Variants in IFT74 observed in about 807,000 individuals in gnomAD.
IFT74 encodes the protein intraflagellar transport protein 74 homolog.
Under a neutral mutation model 96.7 loss-of-function variants are expected in IFT74, and 92 were observed. The observed-to-expected ratio is 0.95, with a 90% CI of 0.80 to 1.13. IFT74 has a LOEUF of 1.13. IFT74 is among the 50% of genes most tolerant of loss of function. The pLI is 0.00. For synonymous variants in IFT74, 223 were observed against 213.2 expected, an observed-to-expected ratio of 1.05 and a Z score of -0.40; for missense variants, 811 against 698.2, an observed-to-expected ratio of 1.16 and a Z score of -1.82.
intron 1 of IFT74, among the ~76,000 whole-genome samples, chr9:26,958,973 T>C (rs1017758857): frequency 2.0e-5 from 3 of 152,104 alleles, no homozygotes; most frequent in African/African-American, 7.2e-5. Context: ...ACCAGTAAAG[T>C]AGGATGACAT....
In IFT74 at chr9:26,962,172, C is replaced by A. The variant is rs3739544; in HGVS notation, c.120+85C>A. 115,852 of 1,338,808 alleles carry A rather than the reference C, an allele frequency of 0.087. 14,529 individuals carry two copies. The highest frequency in any genetic ancestry group is 0.67 in the East Asian group (28,287 of 42,188). The allele number at this position is 1,338,808 out of a possible 1,614,324, so 82.9% of individuals were successfully genotyped here. On this transcript the variant is annotated intron_variant, in intron 2 of 19. Coordinates refer to ENST00000380062, the MANE Select transcript of IFT74 (RefSeq NM_025103.4). ...CAGGAGACTGGGGCTTCAGTGAACTCTGATCATGCCACTGCACCCCAGTTT... is the reference window on the plus strand; with the variant it reads ...CAGGAGACTGGGGCTTCAGTGAACTATGATCATGCCACTGCACCCCAGTTT...
At chr9:27,024,593 A>G (rs1408433392) in intron 12 of IFT74, among the ~76,000 whole-genome samples, 1 of 152,192 alleles carries the variant, frequency 6.6e-6, no homozygotes, top group Non-Finnish European at 1.5e-5. Flanking sequence ...TTCTGGTAAT[A>G]TGAGAAGACA....
At chr9:27,010,163 A>AT (rs34742697) in intron 9 of IFT74, among the ~76,000 whole-genome samples, 7 of 149,860 alleles carry the variant, frequency 4.7e-5, no homozygotes, top group Non-Finnish European at 1.0e-4. Context: ...GATTTTTTGT[A>AT]TTTTTTTAGT....
In IFT74 at chr9:27,065,975, G is replaced by A. The variant is rs1820592433; in HGVS notation, c.*3239G>A. 6.6e-6 allele frequency among the ~76,000 whole-genome samples: 1 copy of A among 152,170 alleles called. No homozygotes were observed. The highest frequency in any genetic ancestry group is 2.4e-5 in the African/African-American group (1 of 41,442). ...AAAGGCAATTTTTAATACAAAGGTA[G>A]ATAATTTAGGAAGACAGATAAATAA... On this transcript the variant is annotated 3_prime_UTR_variant, in exon 20 of 20. Transcript: ENST00000380062.
chr9:27,014,730 C>G (rs574810620), intron 10 of IFT74, among the ~76,000 whole-genome samples: 1 of 152,200 alleles, frequency 6.6e-6, no homozygotes, highest in African/African-American at 2.4e-5. Flanking sequence ...CTGCCTCAGC[C>G]TCCCGAGTAG....
At position 27,021,810 on chromosome 9, in the gene IFT74, G is replaced by A. The variant is rs547114957; in HGVS notation, c.974+3123G>A. ...TATTAACTCTGCTGATTCTTTTGTG[G>A]TGCAGAAGTTTTTTAGTTTAATTAA... is the stretch of plus-strand genomic sequence containing the variant. On this transcript the variant is annotated intron_variant, in intron 12 of 19. Transcript: ENST00000380062. 2.1e-4 allele frequency among the ~76,000 whole-genome samples: 32 copies of A among 152,204 alleles called. No homozygotes were observed. In the East Asian group the frequency reaches 6.0e-3, roughly 28 times the overall value.
At chr9:26,991,901 G>C (rs889234681) in intron 8 of IFT74, among the ~76,000 whole-genome samples, 1 of 151,830 alleles carries the variant, frequency 6.6e-6, no homozygotes, top group Non-Finnish European at 1.5e-5. Flanking sequence ...TGGTGGCACG[G>C]GCTTGTAGTC....
chr9:26,991,217 A>C (rs967071503), intron 8 of IFT74, among the ~76,000 whole-genome samples: 1 of 152,218 alleles, frequency 6.6e-6, no homozygotes, highest in African/African-American at 2.4e-5. Context: ...TTGATTAAAA[A>C]CAAGAATCTC....
At chr9:26,948,315 A>G (rs997847888) in intron 1 of IFT74, among the ~76,000 whole-genome samples, 1 of 152,030 alleles carries the variant, frequency 6.6e-6, no homozygotes, top group Middle Eastern at 3.2e-3. Flanking sequence ...TCCTACTTAA[A>G]TTATTTCAAC....
intron 8 of IFT74, chr9:26,996,270 G>T: frequency 8.9e-7 from 1 of 1,118,826 alleles, no homozygotes; most frequent in Non-Finnish European, 1.2e-6. Context: ...TATTTAGTAT[G>T]ATACATTCAG....
chr9:27,044,948 G>A (rs559658514), intron 14 of IFT74, among the ~76,000 whole-genome samples, 153 bp downstream of exon 14: 1 of 152,324 alleles, frequency 6.6e-6, no homozygotes, highest in Admixed American at 6.5e-5. Context: ...ATAGTTTCTA[G>A]CATAATTTAG....
intron 6 of IFT74, among the ~76,000 whole-genome samples, chr9:26,984,779 A>G (rs1199237574): frequency 6.6e-6 from 1 of 152,164 alleles, no homozygotes; most frequent in Non-Finnish European, 1.5e-5. Flanking sequence ...ACCAGTTAGA[A>G]TGGCTGTTAC....
intron 13 of IFT74, among the ~76,000 whole-genome samples, chr9:27,040,009 C>T (rs1348170341): frequency 6.6e-6 from 1 of 152,074 alleles, no homozygotes; most frequent in Non-Finnish European, 1.5e-5. Flanking sequence ...AGTGTTCTGG[C>T]TCACTAAAAT....
At chr9:27,006,929 C>T (rs540875138) in intron 8 of IFT74, among the ~76,000 whole-genome samples, 54 of 150,010 alleles carry the variant, frequency 3.6e-4, no homozygotes, top group African/African-American at 1.3e-3. Flanking sequence ...CTCTGCCTCC[C>T]GGGTTGACGC....
chr9:26,977,521 C>T (rs1020561440), intron 2 of IFT74, among the ~76,000 whole-genome samples: 1 of 152,192 alleles, frequency 6.6e-6, no homozygotes, highest in African/African-American at 2.4e-5. Flanking sequence ...CTGAGTCTCA[C>T]TCTATCGCCC....
At chr9:27,005,415 C>T (rs1171246525) in intron 8 of IFT74, among the ~76,000 whole-genome samples, 4 of 120,634 alleles carry the variant, frequency 3.3e-5, no homozygotes, top group South Asian at 5.6e-4. Flanking sequence ...TAGGAAAGAC[C>T]CTTTGGCCAT....
intron 8 of IFT74, among the ~76,000 whole-genome samples, chr9:27,006,862 A>G (rs868612898): frequency 9.7e-4 from 97 of 99,668 alleles, no homozygotes; most frequent in Middle Eastern, 0.012. Flanking sequence ...TTTGAGATGG[A>G]GTCTCGCTCT....
intron 1 of IFT74, among the ~76,000 whole-genome samples, chr9:26,959,652 G>A (rs909349914): frequency 2.6e-5 from 4 of 152,178 alleles, no homozygotes; most frequent in Admixed American, 1.3e-4. Flanking sequence ...AGGAATGGCT[G>A]TTGAGACTGG....
intron 2 of IFT74, among the ~76,000 whole-genome samples, chr9:26,971,204 G>T (rs989823883): frequency 6.6e-6 from 1 of 152,188 alleles, no homozygotes; most frequent in Non-Finnish European, 1.5e-5. Context: ...GCAACCGATG[G>T]GGGGCATTTT....
Sources: gnomAD v4.1 joint callset for allele counts (sites outside exome capture counted in the v4.1 genomes callset) on GRCh38, gnomAD v4.1.1 for gene constraint, MANE v1.5 for transcripts, NCBI Gene and HGNC (gene_info 2026-07-23, HGNC 2026-07-21) for gene names.